Variants in XPNPEP3 observed in about 807,000 individuals in gnomAD.
The protein encoded by XPNPEP3 is X-prolyl aminopeptidase 3, also known as xaa-Pro aminopeptidase 3.
A neutral mutation model predicts 60.0 loss-of-function variants in XPNPEP3; 41 were observed. The observed-to-expected ratio is 0.68, with a 90% CI of 0.53 to 0.89. XPNPEP3 has a LOEUF of 0.89. Among genes scored for constraint, XPNPEP3 ranks in the 40% least tolerant of loss-of-function variants. XPNPEP3 has a pLI of 0.00. For synonymous variants in XPNPEP3, 212 were observed against 223.2 expected (o/e 0.95, Z 0.45); for missense variants, 598 against 638.9 (o/e 0.94, Z 0.69).
intron 4 of XPNPEP3, among the ~76,000 whole-genome samples, chr22:40,890,134 T>C (rs2058083280): frequency 6.6e-6 from 1 of 152,208 alleles, no homozygotes; most frequent in South Asian, 2.1e-4. Context: ...TCATCAGTAT[T>C]ATACTAAATT....
At chr22:40,906,384 G>A (rs2058155605) in intron 4 of XPNPEP3, among the ~76,000 whole-genome samples, 1 of 149,816 alleles carries the variant, frequency 6.7e-6, no homozygotes, top group African/African-American at 2.5e-5. Context: ...TCACTCCACT[G>A]CACTCCAGCC....
At chr22:40,889,596 G>A (rs1394887187) in intron 4 of XPNPEP3, among the ~76,000 whole-genome samples, 2 of 152,180 alleles carry the variant, frequency 1.3e-5, no homozygotes, top group African/African-American at 4.8e-5. Context: ...GGCCAAGGTG[G>A]GAGGATCACG....
chr22:40,887,845 CT>C (rs145325719), intron 4 of XPNPEP3, among the ~76,000 whole-genome samples: 1,855 of 152,016 alleles, frequency 0.012, 36 homozygotes, highest in African/African-American at 0.042. Context: ...ATAAATCTCA[CT>C]GGCAAACTGA....
intron 7 of XPNPEP3, among the ~76,000 whole-genome samples, chr22:40,916,153 G>T (rs926507541): frequency 6.6e-6 from 1 of 151,968 alleles, no homozygotes; most frequent in Non-Finnish European, 1.5e-5. Flanking sequence ...TTAGCTGAGT[G>T]TGGTGGCGGG....
At chr22:40,900,613 A>G (rs930155560) in intron 4 of XPNPEP3, among the ~76,000 whole-genome samples, 1 of 151,998 alleles carries the variant, frequency 6.6e-6, no homozygotes, top group African/African-American at 2.4e-5. Context: ...CTCAAAAAAA[A>G]AATAATTAAA....
chr22:40,902,397 C>T (rs899513879), intron 4 of XPNPEP3, among the ~76,000 whole-genome samples: 2 of 152,044 alleles, frequency 1.3e-5, no homozygotes, highest in Admixed American at 1.3e-4. Flanking sequence ...ACTACAGGCG[C>T]CTGCCACACG....
chr22:40,910,812 T>C (rs1171240697), intron 6 of XPNPEP3, among the ~76,000 whole-genome samples: 2 of 152,128 alleles, frequency 1.3e-5, no homozygotes, highest in African/African-American at 2.4e-5. Flanking sequence ...GAGACCATCC[T>C]GGTCAACATG....
chr22:40,862,947 G>A (rs1268816480), intron 1 of XPNPEP3, among the ~76,000 whole-genome samples: 3 of 152,202 alleles, frequency 2.0e-5, no homozygotes, highest in African/African-American at 4.8e-5. Flanking sequence ...AAAAAAAATA[G>A]CAATGTGCTG....
intron 1 of XPNPEP3, among the ~76,000 whole-genome samples, chr22:40,867,409 GAAT>G (rs1293257549): frequency 2.6e-5 from 4 of 152,048 alleles, no homozygotes; most frequent in South Asian, 2.1e-4. Flanking sequence ...TATGAATTAT[GAAT>G]AATAATATAT....
chr22:40,861,370 G>C (rs2057945335), intron 1 of XPNPEP3: 6 of 1,613,770 alleles, frequency 3.7e-6, no homozygotes, highest in Non-Finnish European at 4.2e-6. Context: ...TCTCTTTCTT[G>C]ATCACTTTCA....
rs2145759192 is a variant in XPNPEP3, at chr22:40,857,545, A to C, written c.64+300A>C. On this transcript the variant is annotated intron_variant, in intron 1 of 9. Coordinates refer to ENST00000357137, the MANE Select transcript of XPNPEP3 (RefSeq NM_022098.4). ...CGAAGTTGTGGCAATTATCACACTT[A>C]AGTGACAAAGTGTCTCACATCAAGT... 2.0e-5 allele frequency among the ~76,000 whole-genome samples: 3 copies of C among 152,372 alleles called. 1 individual carries two copies. In the South Asian group the frequency reaches 6.2e-4, roughly 32 times the overall value.
At chr22:40,884,938 G>A (rs2058062757) in intron 3 of XPNPEP3, among the ~76,000 whole-genome samples, 2 of 151,502 alleles carry the variant, frequency 1.3e-5, no homozygotes, top group South Asian at 4.2e-4. Flanking sequence ...TGAGGCAGGG[G>A]AATTGCTTGA....
chr22:40,882,218 G>A, intron 3 of XPNPEP3, 41 bp downstream of exon 3: 3 of 1,610,626 alleles, frequency 1.9e-6, no homozygotes, highest in Non-Finnish European at 2.5e-6. Context: ...AACCAGATTG[G>A]GATTAAAACC....
chr22:40,887,180 G>A (rs1480780416), intron 4 of XPNPEP3, among the ~76,000 whole-genome samples: 1 of 152,140 alleles, frequency 6.6e-6, no homozygotes, highest in Non-Finnish European at 1.5e-5. Flanking sequence ...CAGATCTGCA[G>A]TTTATTATAG....
chr22:40,875,394 AT>A (rs1347946470), intron 2 of XPNPEP3, among the ~76,000 whole-genome samples: 5 of 152,024 alleles, frequency 3.3e-5, no homozygotes, highest in African/African-American at 9.7e-5. Flanking sequence ...TACTTATATA[AT>A]TTTTTTAAAT....
intron 4 of XPNPEP3, among the ~76,000 whole-genome samples, chr22:40,895,331 G>C (rs2058103503): frequency 6.6e-6 from 1 of 151,328 alleles, no homozygotes; most frequent in Non-Finnish European, 1.5e-5. Flanking sequence ...AGAGATTAGT[G>C]CTTTTCTTTT....
rs1356034893 is a variant in XPNPEP3, at chr22:40,869,029, C to T, written c.95C>T (p.Ser32Phe). The change falls in exon 2 of 10, where the codon TCC (serine) becomes TTC (phenylalanine). Residue 32 changes from serine to phenylalanine, a missense_variant. Physicochemically the swap from Ser to Phe is radical, Grantham distance 155 (BLOSUM62 -2). Coordinates refer to ENST00000357137, the MANE Select transcript of XPNPEP3 (RefSeq NM_022098.4). ...GCMLCSQRRY[S>F]LQPVPERRIP... ...ATGTTGTGTTCACAGCGAAGGTACTCCCTTCAGCCTGTCCCAGAAAGGAGG... is the reference window on the plus strand; with the variant it reads ...ATGTTGTGTTCACAGCGAAGGTACTTCCTTCAGCCTGTCCCAGAAAGGAGG... The T allele has an allele frequency of 1.2e-6, 2 of 1,614,040 alleles. No individual in the cohort carries two copies. Among genetic ancestry groups the T allele is most frequent in the Non-Finnish European group, 1.7e-6 (2 of 1,179,928 alleles).
chr22:40,862,561 TATG>T (rs1222493456), intron 1 of XPNPEP3: 4 of 985,308 alleles, frequency 4.1e-6, no homozygotes, highest in Non-Finnish European at 4.8e-6. Flanking sequence ...ATATAATAGT[TATG>T]ATGAGAGGAA....
intron 2 of XPNPEP3, among the ~76,000 whole-genome samples, chr22:40,869,606 T>C (rs2057995471): frequency 1.3e-5 from 2 of 152,232 alleles, no homozygotes; most frequent in African/African-American, 4.8e-5. Flanking sequence ...TCCAGATTTG[T>C]TTGTCACAGA....
Sources: gnomAD v4.1 joint callset for allele counts (sites outside exome capture counted in the v4.1 genomes callset) on GRCh38, gnomAD v4.1.1 for gene constraint, MANE v1.5 for transcripts, NCBI Gene and HGNC (gene_info 2026-07-23, HGNC 2026-07-21) for gene names.